The following PALD1 variants were observed in gnomAD, a reference collection of about 807,000 sequenced individuals.
The protein encoded by PALD1 is paladin.
Under a neutral mutation model 96.0 loss-of-function variants are expected in PALD1, and 57 were observed. The ratio of observed to expected loss-of-function variants is 0.59; its 90% CI spans 0.48 to 0.74. The LOEUF is 0.74. Ranked by LOEUF, PALD1 falls within the 30% of genes least tolerant of loss-of-function variation. The pLI is 0.00. For synonymous variants in PALD1, 464 were observed against 473.6 expected, an observed-to-expected ratio of 0.98 and a Z score of 0.26; for missense variants, 1,063 against 1,143.7, an observed-to-expected ratio of 0.93 and a Z score of 1.02.
chr10:70,459,728 G>T, the PALD1 span, among the ~76,000 whole-genome samples: 1 of 152,168 alleles, frequency 6.6e-6, no homozygotes, highest in Non-Finnish European at 1.5e-5. Flanking sequence ...GTTATTATGG[G>T]GTAACTGCAG....
intron 2 of PALD1, among the ~76,000 whole-genome samples, chr10:70,526,913 CAA>C (rs1433137742): frequency 1.3e-5 from 2 of 152,086 alleles, no homozygotes; most frequent in Admixed American, 6.6e-5. Context: ...CAAAGTTTGG[CAA>C]AGACTTAGCA....
At chr10:70,551,660 C>T (rs1449769662) in intron 18 of PALD1, among the ~76,000 whole-genome samples, 1 of 152,150 alleles carries the variant, frequency 6.6e-6, no homozygotes, top group African/African-American at 2.4e-5. Flanking sequence ...TCAACTTATA[C>T]TTTAGTAATA....
At chr10:70,564,055 G>T (rs568518154) in intron 18 of PALD1, among the ~76,000 whole-genome samples, 1 of 152,138 alleles carries the variant, frequency 6.6e-6, no homozygotes, top group East Asian at 1.9e-4. Context: ...GCCATGCAGG[G>T]TATCTACAAT....
chr10:70,475,185 A>G (rs745318948), upstream of PALD1, among the ~76,000 whole-genome samples: 1 of 152,216 alleles, frequency 6.6e-6, no homozygotes, highest in South Asian at 2.1e-4. Context: ...ACATGGTGGT[A>G]AAGTTGCTGT....
chr10:70,513,925 C>CT (rs1422235482), intron 1 of PALD1, among the ~76,000 whole-genome samples: 9 of 152,212 alleles, frequency 5.9e-5, no homozygotes, highest in Non-Finnish European at 1.3e-4. Context: ...CCGCTGCTGG[C>CT]TGCGGGGCAG....
At chr10:70,507,247 C>A (rs10646993) in intron 1 of PALD1, among the ~76,000 whole-genome samples, 15,994 of 138,484 alleles carry the variant, frequency 0.12, 962 homozygotes, top group South Asian at 0.18. Context: ...ACTAAAAATA[C>A]AAAAAAAAAA....
At chr10:70,516,889 A>ATT (rs11452196) in intron 1 of PALD1, among the ~76,000 whole-genome samples, 9 of 148,158 alleles carry the variant, frequency 6.1e-5, no homozygotes, top group Non-Finnish European at 1.3e-4. Context: ...ATTTTACTGT[A>ATT]TTTTTTTTTT....
intron 1 of PALD1, among the ~76,000 whole-genome samples, chr10:70,504,324 C>T (rs921053729): frequency 7.2e-5 from 11 of 152,118 alleles, no homozygotes; most frequent in Non-Finnish European, 1.2e-4. Context: ...GTCAGGAGTT[C>T]GAGATCAGCC....
intron 1 of PALD1, among the ~76,000 whole-genome samples, chr10:70,489,799 C>T (rs1400013299): frequency 6.6e-6 from 1 of 152,142 alleles, no homozygotes; most frequent in Non-Finnish European, 1.5e-5. Context: ...ACCCCAGTAC[C>T]CATTGGTAGT....
At chr10:70,506,669 T>C (rs1016632244) in intron 1 of PALD1, among the ~76,000 whole-genome samples, 1 of 151,980 alleles carries the variant, frequency 6.6e-6, no homozygotes, top group Non-Finnish European at 1.5e-5. Context: ...TCCTCAGGAG[T>C]GAGTGAAGGG....
chr10:70,507,315 G>A (rs1251397293), intron 1 of PALD1, among the ~76,000 whole-genome samples: 2 of 152,158 alleles, frequency 1.3e-5, no homozygotes, highest in African/African-American at 4.8e-5. Flanking sequence ...GGGAGGTTGA[G>A]GCAGGAGAAT....
At chr10:70,480,077 C>A (rs886951080) in intron 1 of PALD1, among the ~76,000 whole-genome samples, 1 of 152,234 alleles carries the variant, frequency 6.6e-6, no homozygotes, top group Non-Finnish European at 1.5e-5. Flanking sequence ...TCCATGCAAG[C>A]AAGCAAATGT....
At chr10:70,507,642 G>A (rs114256113) in intron 1 of PALD1, among the ~76,000 whole-genome samples, 2,048 of 152,156 alleles carry the variant, frequency 0.013, 44 homozygotes, top group African/African-American at 0.046. Flanking sequence ...GGCTGGTCTC[G>A]AACTTGTGGC....
At chr10:70,470,546 T>A in the PALD1 span, among the ~76,000 whole-genome samples, 14 of 144,250 alleles carry the variant, frequency 9.7e-5, no homozygotes, top group African/African-American at 3.4e-4. Context: ...ATATAATAAA[T>A]AATATTTTTA....
At position 70,478,909 on chromosome 10, in the gene PALD1, C is replaced by T. The variant is rs1245844703; in HGVS notation, c.-180C>T. On this transcript the variant is annotated 5_prime_UTR_variant, in exon 1 of 20. Coordinates refer to ENST00000263563, the MANE Select transcript of PALD1 (RefSeq NM_014431.3). Reference sequence around the variant, plus strand: ...TGCCCACCTCCGGAGCCACCTCTGCCCCCGCATGGGCTGGCGAAGTTGGGA... The same window carrying T: ...TGCCCACCTCCGGAGCCACCTCTGCTCCCGCATGGGCTGGCGAAGTTGGGA... 3.3e-5 allele frequency: 5 copies of T among 152,050 alleles called. No homozygotes were observed. In the East Asian group the frequency reaches 7.7e-4, roughly 23 times the overall value. 9.4% of individuals were successfully genotyped at this position (152,050 alleles called of 1,614,324 possible).
the PALD1 span, among the ~76,000 whole-genome samples, chr10:70,466,551 G>A: frequency 6.6e-6 from 1 of 152,094 alleles, no homozygotes; most frequent in Non-Finnish European, 1.5e-5. Context: ...CCATTTTAAC[G>A]ATTTTTAATT....
At chr10:70,480,191 A>G (rs1302138434) in intron 1 of PALD1, among the ~76,000 whole-genome samples, 1 of 151,730 alleles carries the variant, frequency 6.6e-6, no homozygotes, top group Non-Finnish European at 1.5e-5. Context: ...ATCCCCACCC[A>G]CTCCCAGGTT....
At chr10:70,541,620 G>A in intron 17 of PALD1, 86 bp downstream of exon 17, 1 of 962,974 alleles carries the variant, frequency 1.0e-6, no homozygotes, top group Non-Finnish European at 1.6e-6. Context: ...GGTCCTCAAA[G>A]CACGTCCCAA....
chr10:70,461,702 G>A, the PALD1 span, among the ~76,000 whole-genome samples: 326 of 152,332 alleles, frequency 2.1e-3, no homozygotes, highest in African/African-American at 7.6e-3. Flanking sequence ...TGGGAGCCAG[G>A]CCATGCCCTC....
Sources: gnomAD v4.1 joint callset for allele counts (sites outside exome capture counted in the v4.1 genomes callset) on GRCh38, gnomAD v4.1.1 for gene constraint, MANE v1.5 for transcripts, NCBI Gene and HGNC (gene_info 2026-07-23, HGNC 2026-07-21) for gene names.